The following PHKG1 variants were observed in gnomAD, a reference collection of about 807,000 sequenced individuals.
The protein encoded by PHKG1 is phosphorylase kinase catalytic subunit gamma 1, also known as phosphorylase b kinase gamma catalytic chain, skeletal muscle/heart isoform.
PHKG1 carries 48 observed loss-of-function variants against 50.5 expected under a neutral mutation model. The observed-to-expected ratio is 0.95, with a 90% CI of 0.75 to 1.21. The LOEUF (loss-of-function observed/expected upper bound fraction) is 1.21. Ranked by LOEUF, PHKG1 falls within the 50% of genes most tolerant of loss-of-function variation. PHKG1 has a pLI of 0.00. For synonymous variants in PHKG1, 204 were observed against 212.8 expected, an observed-to-expected ratio of 0.96 and a Z score of 0.36; for missense variants, 487 against 519.5, an observed-to-expected ratio of 0.94 and a Z score of 0.61.
In PHKG1 at chr7:56,080,969, C is replaced by G. The variant is rs764197595; in HGVS notation, c.*85G>C. ...GGCCAAGTGCTCCTTCTGCAGAGGCCTGCACGCATCTCACCCCTTTGACTT... is the reference window on the plus strand; with the variant it reads ...GGCCAAGTGCTCCTTCTGCAGAGGCGTGCACGCATCTCACCCCTTTGACTT... On this transcript the variant is annotated 3_prime_UTR_variant, in exon 10 of 10. Transcript: ENST00000297373. 5.1e-5 allele frequency: 76 copies of G among 1,501,112 alleles called. No individual in the cohort carries two copies. The highest frequency in any genetic ancestry group is 6.6e-5 in the Non-Finnish European group (73 of 1,102,850). 93.0% of individuals were successfully genotyped at this position (1,501,112 alleles called of 1,614,324 possible).
In PHKG1 at chr7:56,087,772, C is replaced by T. The variant is rs571114908; in HGVS notation, c.88G>A (p.Val30Ile). The T allele has an allele frequency of 2.7e-5, 44 of 1,610,726 alleles. No individual in the cohort carries two copies. The highest frequency in any genetic ancestry group is 1.1e-4 in the South Asian group (10 of 91,066). The change falls in exon 3 of 10, where the codon GTT becomes ATT. Residue 30 changes from valine (V) to isoleucine (I), a missense_variant. Physicochemically the swap from Val to Ile is conservative, Grantham distance 29 (BLOSUM62 3). Transcript: ENST00000297373. Reference protein sequence around the residue: ...YEPKEILGRGVSSVVRRCIHK... With the variant: ...YEPKEILGRGISSVVRRCIHK... The stretch of plus-strand genomic sequence containing the variant: ...ATGCATCGCCTGACCACACTGCTAA[C>T]GCCCCTGGGAGTGCAGAGGACAGAT...
At position 56,081,683 on chromosome 7, in the gene PHKG1, G is replaced by A; in HGVS notation, c.865C>T (p.Gln289Ter). ...CGCACTTCCTCCACCAAGTACTGCT[G>A]GAAGAAGGGGTGTGCCAAGGCCTCT... ...AEEALAHPFF[Q>*]QYLVEEVRHF... Residue 289 changes from glutamine (Q) to a stop codon, truncating the protein, a stop_gained, in exon 9 of 10, where the codon CAG (glutamine) becomes TAG (stop). Transcript: ENST00000297373. LOFTEE classifies it high-confidence loss of function. The surrounding 1 kb of genome is among the most constrained non-coding windows in gnomAD (Gnocchi z 4.6). The A allele has an allele frequency of 6.2e-7, 1 of 1,613,942 alleles. No homozygotes were observed. The highest frequency in any genetic ancestry group is 1.1e-5 in the South Asian group (1 of 91,084).
Position 56,081,152 on chromosome 7 carries a change from C to CAT in PHKG1, c.1064_1065dup (p.Gly356MetfsTer5). The stretch of plus-strand genomic sequence containing the variant: ...TGCTGCCCCTTCTTCACCCAGTGGC[C>CAT]ATAGATTCGGAAAGCGTAGGCGTCG... On this transcript the variant is annotated frameshift_variant, in exon 10 of 10. Coordinates refer to ENST00000297373, the MANE Select transcript of PHKG1 (RefSeq NM_006213.5). LOFTEE classifies it high-confidence loss of function. The surrounding 1 kb of genome is among the most constrained non-coding windows in gnomAD (Gnocchi z 4.6). The CAT allele has an allele frequency of 6.2e-7, 1 of 1,613,876 alleles. No homozygotes were observed.
At chr7:56,087,566 AC>A (rs748263132) in intron 3 of PHKG1, 31 bp downstream of exon 3, 10 of 1,596,540 alleles carry the variant, frequency 6.3e-6, no homozygotes, top group Non-Finnish European at 7.7e-6. Flanking sequence ...ACAGGGGGGC[AC>A]CCTGCCGTGT....
chr7:56,091,471 C>T (rs959475420), intron 1 of PHKG1, among the ~76,000 whole-genome samples: 2 of 151,112 alleles, frequency 1.3e-5, no homozygotes, highest in Non-Finnish European at 2.9e-5. Context: ...GAGCTGAGAT[C>T]ATGCCACTGC....
Position 56,081,468 on chromosome 7 carries a change from C to T in PHKG1, c.918+162G>A, listed in dbSNP as rs1335794911. Among the ~76,000 whole-genome samples the T allele has an allele frequency of 1.3e-5, 2 of 152,140 alleles. No individual in the cohort carries two copies. The highest frequency in any genetic ancestry group is 2.9e-5 in the Non-Finnish European group (2 of 68,030). On this transcript the variant is annotated intron_variant, in intron 9 of 9. Transcript: ENST00000297373. This position sits in a 1 kb window ranked among gnomAD's most constrained non-coding sequence, Gnocchi z 4.6. Reference sequence around the variant, plus strand: ...TGGCCAGCATCCTCAGGGACCGAGCCAGTGGGCTGACACCTGCCGTCTTTG... The same window carrying T: ...TGGCCAGCATCCTCAGGGACCGAGCTAGTGGGCTGACACCTGCCGTCTTTG...
At chr7:56,082,623 A>G (rs1332135275) in intron 6 of PHKG1, among the ~76,000 whole-genome samples, 2 of 151,986 alleles carry the variant, frequency 1.3e-5, no homozygotes, top group Non-Finnish European at 2.9e-5. Context: ...CAAAGAGACA[A>G]TGGAGATGAT....
chr7:56,087,746 G>T lies in PHKG1; in HGVS notation c.114C>A (p.Ile38=). The stretch of plus-strand genomic sequence containing the variant: ...CGTACTCCTGGCTCGTGGGCTTGTG[G>T]ATGCATCGCCTGACCACACTGCTAA... The part of the protein sequence containing the change: ...RGVSSVVRRC[I]HKPTSQEYAV... The change falls in exon 3 of 10, where the codon ATC becomes ATA. Residue 38 remains isoleucine (I), a synonymous_variant. Transcript: ENST00000297373. 6.2e-6 allele frequency: 10 copies of T among 1,613,120 alleles called. No individual in the cohort carries two copies. Among genetic ancestry groups the T allele is most frequent in the Non-Finnish European group, 8.5e-6 (10 of 1,180,012 alleles).
intron 4 of PHKG1, among the ~76,000 whole-genome samples, chr7:56,086,303 T>G (rs1195070285): frequency 6.6e-6 from 1 of 152,072 alleles, no homozygotes; most frequent in East Asian, 1.9e-4. Flanking sequence ...TTTTCCTATA[T>G]GTACATACCT....
In PHKG1 at chr7:56,087,610, G is replaced by A. The variant is rs1263106883; in HGVS notation, c.250C>T (p.His84Tyr). The change falls in exon 3 of 10, where the codon CAC becomes TAC. Residue 84 changes from histidine to tyrosine, a missense_variant. Coordinates refer to ENST00000297373, the MANE Select transcript of PHKG1 (RefSeq NM_006213.5). ...EVDILRKVSGHPNIIQLKDTY... is the reference protein window; with the variant it reads ...EVDILRKVSGYPNIIQLKDTY... ...GGCCATCACTCACTGATGTTGGGGTGCCCTGAGACCTTGCGCAGGATGTCC... is the reference window on the plus strand; with the variant it reads ...GGCCATCACTCACTGATGTTGGGGTACCCTGAGACCTTGCGCAGGATGTCC... 2 of 1,613,284 alleles carry A rather than the reference G, an allele frequency of 1.2e-6. No homozygotes were observed. The highest frequency in any genetic ancestry group is 8.5e-7 in the Non-Finnish European group (1 of 1,179,620).
chr7:56,088,587 C>A, intron 2 of PHKG1: 1 of 325,752 alleles, frequency 3.1e-6, no homozygotes, highest in East Asian at 5.8e-5. Context: ...GAACTCTTGG[C>A]CTCAAGCAAT....
chr7:56,084,359 T>C, intron 4 of PHKG1: 1 of 561,580 alleles, frequency 1.8e-6, no homozygotes, highest in Non-Finnish European at 3.1e-6. Context: ...CAGAAGGACG[T>C]GAGTATCCCG....
intron 5 of PHKG1, 33 bp from the exon 6 acceptor site, chr7:56,083,474 C>A: frequency 6.2e-7 from 1 of 1,611,502 alleles, no homozygotes; most frequent in Non-Finnish European, 8.5e-7. Context: ...TACTCTTCCT[C>A]TGCTCAGGGT....
chr7:56,082,967 G>A (rs1015208316), intron 6 of PHKG1, among the ~76,000 whole-genome samples: 2 of 152,142 alleles, frequency 1.3e-5, no homozygotes, highest in South Asian at 4.2e-4. Flanking sequence ...TTAGCCGAGC[G>A]TTGTGGCGCG....
rs202235154 is a variant in PHKG1 at position 56,081,935 on chromosome 7, G to T, written c.750C>A (p.Gly250=). 1 of 1,613,858 alleles carries T rather than the reference G, an allele frequency of 6.2e-7. No individual in the cohort carries two copies. Among genetic ancestry groups the T allele is most frequent in the Non-Finnish European group, 8.5e-7 (1 of 1,180,026 alleles). Reference sequence around the variant, plus strand: ...CCGAGTAATCATCCCACTCGGGCGAGCCAAACTGGTAGTTGCCGCTCATGA... The same window carrying T: ...CCGAGTAATCATCCCACTCGGGCGATCCAAACTGGTAGTTGCCGCTCATGA... The part of the protein sequence containing the change: ...RMIMSGNYQF[G]SPEWDDYSDT... Residue 250 remains glycine, a synonymous_variant, in exon 8 of 10, where the codon GGC becomes GGA. Transcript: ENST00000297373. The surrounding 1 kb of genome is among the most constrained non-coding windows in gnomAD (Gnocchi z 4.6).
At chr7:56,084,320 A>G (rs1796156602) in intron 4 of PHKG1, 3 of 828,764 alleles carry the variant, frequency 3.6e-6, no homozygotes, top group Non-Finnish European at 5.9e-6. Flanking sequence ...GGGACTATGA[A>G]CCACTGGCCC....
chr7:56,083,191 A>T, intron 6 of PHKG1, 87 bp downstream of exon 6: 1 of 1,182,806 alleles, frequency 8.5e-7, no homozygotes, highest in Non-Finnish European at 1.2e-6. Context: ...CAATTAAGTT[A>T]GGGGAGAAAC....
intron 1 of PHKG1, among the ~76,000 whole-genome samples, chr7:56,092,395 C>T (rs1013257849): frequency 6.6e-6 from 1 of 152,152 alleles, no homozygotes; most frequent in Non-Finnish European, 1.5e-5. Context: ...GCCTCAGCCT[C>T]CTGAGTAGCT....
rs141344297 is a variant in PHKG1 at position 56,082,033 on chromosome 7, C to T, written c.652G>A (p.Val218Ile). 323 of 1,612,994 alleles carry T rather than the reference C, an allele frequency of 2.0e-4. No homozygotes were observed. The highest frequency in any genetic ancestry group is 2.4e-4 in the Non-Finnish European group (282 of 1,179,164). The change falls in exon 8 of 10, where the codon GTC becomes ATC. Residue 218 changes from valine to isoleucine, a missense_variant. By Grantham distance (29) the Val-to-Ile change is conservative. Transcript: ENST00000297373. ...GKEVDMWSTGVIMYTLLAGSP... is the reference protein window; with the variant it reads ...GKEVDMWSTGIIMYTLLAGSP... Reference sequence around the variant, plus strand: ...CCGGCCAGCAGCGTGTACATGATGACGCCAGTGCTCCACCTGGACATGCGA... The same window carrying T: ...CCGGCCAGCAGCGTGTACATGATGATGCCAGTGCTCCACCTGGACATGCGA...
Sources: allele counts gnomAD v4.1 joint callset (sites outside exome capture counted in the v4.1 genomes callset), GRCh38; gene constraint gnomAD v4.1.1; non-coding constraint Gnocchi (gnomAD v3.1); transcripts MANE v1.5; gene names NCBI Gene and HGNC (gene_info 2026-07-23, HGNC 2026-07-21).